BTD: variants seen among roughly 807,000 people sequenced by gnomAD.
BTD encodes the protein biocytinase.
A neutral mutation model predicts 17.7 loss-of-function variants in BTD; 13 were observed. The observed-to-expected ratio is 0.74, with a 90% CI of 0.48 to 1.17. The LOEUF (loss-of-function observed/expected upper bound fraction) is 1.17. Ranked by LOEUF, BTD falls within the 50% of genes most tolerant of loss-of-function variation. The pLI is 0.00. For missense variants in BTD, 674 were observed against 650.4 expected (o/e 1.04, Z -0.39); for synonymous variants, 240 against 245.2 (o/e 0.98, Z 0.20).
intron 1 of BTD, chr3:15,631,591 C>T (rs1264079418): frequency 9.0e-7 from 1 of 1,108,194 alleles, no homozygotes; most frequent in Non-Finnish European, 1.3e-6. Context: ...ACTGATTTTT[C>T]CTATTAGATG....
chr3:15,673,113 A>G (rs1162531658), intron 3 of BTD, among the ~76,000 whole-genome samples: 2 of 152,198 alleles, frequency 1.3e-5, no homozygotes, highest in African/African-American at 2.4e-5. Context: ...CTTTGCTTAG[A>G]AAGTTCCTCC....
At chr3:15,636,291 G>A (rs1342072363) in intron 2 of BTD, among the ~76,000 whole-genome samples, 2 of 152,182 alleles carry the variant, frequency 1.3e-5, no homozygotes, top group Non-Finnish European at 2.9e-5. Flanking sequence ...CGGTCTCTAT[G>A]TCGGACTACG....
rs1205805930 is a variant in BTD at position 15,721,594 on chromosome 3, TAA to T, written c.1016-168_1016-167del. The stretch of plus-strand genomic sequence containing the variant: ...TAGTAATAAAGTACAGATCAAGATT[TAA>T]AAAAAAATGAACGGCATGTTCTATT... On this transcript the variant is annotated intron_variant, in intron 4 of 4. Coordinates refer to the BTD transcript ENST00000672427. Among the ~76,000 whole-genome samples the T allele has an allele frequency of 2.0e-5, 3 of 151,470 alleles. No individual in the cohort carries two copies. In the South Asian group the frequency reaches 6.3e-4, roughly 32 times the overall value.
chr3:15,601,536 A>G (rs2019160), upstream of BTD: 1,533,019 of 1,606,886 alleles, frequency 0.95, 731,508 homozygotes, highest in East Asian at 0.99. Context: ...CAAACGCGAA[A>G]TCGGCAGCAC....
rs895490690 is a variant in BTD, at chr3:15,651,130, A to G, written c.*5642A>G. ...ATGGCCACTATTAGGGTGAGGGATG[A>G]TAGGCTTAGCTCTGACCTGAAATTC... is the stretch of plus-strand genomic sequence containing the variant. On this transcript the variant is annotated 3_prime_UTR_variant, in exon 4 of 4. Coordinates refer to ENST00000643237, the MANE Select transcript of BTD (RefSeq NM_001370658.1). Among the ~76,000 whole-genome samples the G allele has an allele frequency of 2.6e-5, 4 of 152,148 alleles. No individual in the cohort carries two copies. The highest frequency in any genetic ancestry group is 9.7e-5 in the African/African-American group (4 of 41,430).
At chr3:15,632,609 G>A (rs1275591243) in intron 1 of BTD, 1 of 152,246 alleles carries the variant, frequency 6.6e-6, no homozygotes, top group Non-Finnish European at 1.5e-5. Context: ...CAGCTCTAAA[G>A]ATGGGTCAGC....
At position 15,635,475 on chromosome 3, in the gene BTD, C is replaced by T. The variant is rs755603849; in HGVS notation, c.36C>T (p.Leu12=). ...CCAGAAGTAAGCTTGCTCTTTTCCTCTGCGGCTGTTACGTGGTTGCCCTGG... is the reference window on the plus strand; with the variant it reads ...CCAGAAGTAAGCTTGCTCTTTTCCTTTGCGGCTGTTACGTGGTTGCCCTGG... ...SGARSKLALF[L]CGCYVVALGA... is the part of the protein sequence containing the mutation. The change falls in exon 2 of 4, where the codon CTC becomes CTT. Residue 12 remains leucine, a synonymous_variant. Transcript: ENST00000643237. The surrounding 1 kb of genome is among the most constrained non-coding windows in gnomAD (Gnocchi z 4.1). 6 of 1,614,216 alleles carry T rather than the reference C, an allele frequency of 3.7e-6. No individual in the cohort carries two copies. Among genetic ancestry groups the T allele is most frequent in the Admixed American group, 3.3e-5 (2 of 60,026 alleles).
At chr3:15,685,674 T>C (rs2068028159) in intron 3 of BTD, among the ~76,000 whole-genome samples, 1 of 152,172 alleles carries the variant, frequency 6.6e-6, no homozygotes. Flanking sequence ...AGAGAGAAAC[T>C]TGGTATTCAA....
chr3:15,635,562 C>G lies in BTD; in HGVS notation c.123C>G (p.Ala41=). Residue 41 remains alanine (A), a synonymous_variant, in exon 2 of 4, where the codon GCC becomes GCG. Coordinates refer to ENST00000643237, the MANE Select transcript of BTD (RefSeq NM_001370658.1). This position sits in a 1 kb window ranked among gnomAD's most constrained non-coding sequence, Gnocchi z 4.1. ...DHHEAEYYVA[A]VYEHPSILSL... ...ACGAGGCTGAATATTATGTGGCTGC[C>G]GTGTATGAGCATCCATCCATCCTGA... The G allele has an allele frequency of 6.2e-7, 1 of 1,614,136 alleles. No homozygotes were observed. Among genetic ancestry groups the G allele is most frequent in the Non-Finnish European group, 8.5e-7 (1 of 1,180,036 alleles).
At chr3:15,716,137 C>T (rs1575347772), downstream of BTD, among the ~76,000 whole-genome samples, 6 of 151,824 alleles carry the variant, frequency 4.0e-5, no homozygotes, top group South Asian at 1.3e-3. Flanking sequence ...CATGCACCAC[C>T]ATGCCCAGCT....
chr3:15,688,487 A>G (rs565042636), intron 3 of BTD, among the ~76,000 whole-genome samples: 1 of 152,238 alleles, frequency 6.6e-6, no homozygotes, highest in East Asian at 1.9e-4. Flanking sequence ...ATGCATTTTA[A>G]CCTCTTGTTC....
chr3:15,709,022 CTG>C (rs2071859964), intron 3 of BTD, among the ~76,000 whole-genome samples: 1 of 152,140 alleles, frequency 6.6e-6, no homozygotes, highest in African/African-American at 2.4e-5. Context: ...CTAATGCACT[CTG>C]TGTCAATTCC....
chr3:15,630,404 AGACT>A (rs1392896605), intron 1 of BTD, among the ~76,000 whole-genome samples: 1 of 152,218 alleles, frequency 6.6e-6, no homozygotes, highest in African/African-American at 2.4e-5. Context: ...AGTGAAAGAC[AGACT>A]GTTATTCAAA....
chr3:15,624,052 T>C (rs1049571964), intron 1 of BTD, among the ~76,000 whole-genome samples: 1 of 152,226 alleles, frequency 6.6e-6, no homozygotes, highest in Non-Finnish European at 1.5e-5. Context: ...TCTTATTGTT[T>C]ACATGATTTC....
downstream of BTD, among the ~76,000 whole-genome samples, chr3:15,656,700 C>G (rs965283651): frequency 1.3e-5 from 2 of 152,130 alleles, no homozygotes; most frequent in African/African-American, 4.8e-5. Flanking sequence ...GAATCCTCTC[C>G]CTCCGGGCTG....
chr3:15,696,212 A>T, intron 3 of BTD: 1 of 1,590,302 alleles, frequency 6.3e-7, no homozygotes, highest in East Asian at 2.3e-5. Flanking sequence ...GGATCCCTGG[A>T]TTTGCATCGT....
Position 15,646,440 on chromosome 3 carries a change from T to C in BTD, c.*952T>C, listed in dbSNP as rs192037371. On this transcript the variant is annotated 3_prime_UTR_variant, in exon 4 of 4. Transcript: ENST00000643237. ...CCCCATAGAGATAAGTTGCAGGGACTGCCGTGAAGGGCATGAAGGGTGGCC... is the reference window on the plus strand; with the variant it reads ...CCCCATAGAGATAAGTTGCAGGGACCGCCGTGAAGGGCATGAAGGGTGGCC... The C allele has an allele frequency of 2.6e-5, 4 of 152,378 alleles. No individual in the cohort carries two copies. Among genetic ancestry groups the C allele is most frequent in the Admixed American group, 2.6e-4 (4 of 15,308 alleles). 9.4% of individuals were successfully genotyped at this position (152,378 alleles called of 1,614,324 possible).
Position 15,644,551 on chromosome 3 carries a change from T to G in BTD, c.635T>G (p.Phe212Cys), listed in dbSNP as rs768097543. 3.1e-6 allele frequency: 5 copies of G among 1,614,068 alleles called. No individual in the cohort carries two copies. In the African/African-American group the frequency reaches 5.3e-5, roughly 17 times the overall value. ...CCTCTTAAAGTGGATCTCATCACCT[T>G]TGATACCCCCTTTGCTGGCAGGTTT... Reference protein sequence around the residue: ...DVPLKVDLITFDTPFAGRFGI... With the variant: ...DVPLKVDLITCDTPFAGRFGI... Residue 212 changes from phenylalanine (F) to cysteine (C), a missense_variant, in exon 4 of 4, where the codon TTT becomes TGT. Phe to Cys is a radical substitution (Grantham distance 205). Coordinates refer to ENST00000643237, the MANE Select transcript of BTD (RefSeq NM_001370658.1).
chr3:15,618,493 G>C (rs949109430), intron 1 of BTD, among the ~76,000 whole-genome samples: 2 of 152,044 alleles, frequency 1.3e-5, no homozygotes, highest in African/African-American at 4.8e-5. Context: ...TTCATATGTA[G>C]GGTACGAATA....
Sources: gnomAD v4.1 joint callset for allele counts (sites outside exome capture counted in the v4.1 genomes callset) on GRCh38, gnomAD v4.1.1 for gene constraint, Gnocchi (gnomAD v3.1) non-coding constraint, MANE v1.5 for transcripts, NCBI Gene and HGNC (gene_info 2026-07-23, HGNC 2026-07-21) for gene names.